Variants in CEP63 observed in about 807,000 individuals in gnomAD.
CEP63 encodes the protein centrosomal protein 63.
In CEP63, 84 loss-of-function variants were observed where a neutral mutation model predicts 89.1. That is an observed-to-expected ratio of 0.94 (90% confidence interval 0.79 to 1.13). CEP63 has a LOEUF of 1.13. Among genes scored for constraint, CEP63 ranks in the 50% most tolerant of loss-of-function variants. The probability of loss-of-function intolerance (pLI) is 0.00; values close to 1 mark genes in which losing one functional copy is unlikely to be tolerated. For synonymous variants in CEP63, 267 were observed against 272.5 expected (o/e 0.98, Z 0.20); for missense variants, 838 against 813.3 (o/e 1.03, Z -0.37).
chr3:134,551,767 G>T (rs1025353319), intron 11 of CEP63, among the ~76,000 whole-genome samples, 159 bp from the exon 12 acceptor site: 1 of 134,452 alleles, frequency 7.4e-6, no homozygotes, highest in African/African-American at 2.8e-5. Flanking sequence ...ACACACACAC[G>T]TACATATATA....
At chr3:134,568,500 A>G (rs1957879754), downstream of CEP63, among the ~76,000 whole-genome samples, 2 of 152,130 alleles carry the variant, frequency 1.3e-5, no homozygotes, top group Admixed American at 6.5e-5. Flanking sequence ...TGCTTCCCCA[A>G]GGATCCCCTT....
At chr3:134,726,587 G>A in the CEP63 span, among the ~76,000 whole-genome samples, 1 of 151,842 alleles carries the variant, frequency 6.6e-6, no homozygotes, top group South Asian at 2.1e-4. Context: ...TAACACATCA[G>A]CCCAGGAGAT....
At chr3:134,574,806 C>A in exon 12 of CEP63, 1 of 609,520 alleles carries the variant, frequency 1.6e-6, no homozygotes, top group Admixed American at 2.4e-5. Flanking sequence ...TGGGGTTTTA[C>A]CATGTTGTCC....
At chr3:134,488,165 C>T (rs1380478895) in intron 1 of CEP63, 1 of 152,234 alleles carries the variant, frequency 6.6e-6, no homozygotes, top group African/African-American at 2.4e-5. Context: ...AGGTTAGATT[C>T]TCCTAGGGGC....
chr3:134,753,759 AG>A, the CEP63 span, among the ~76,000 whole-genome samples: 1 of 152,248 alleles, frequency 6.6e-6, no homozygotes, highest in African/African-American at 2.4e-5. Flanking sequence ...AAATGAGGAA[AG>A]AAAAGTTCAG....
At chr3:134,724,666 C>T in the CEP63 span, among the ~76,000 whole-genome samples, 1 of 152,192 alleles carries the variant, frequency 6.6e-6, no homozygotes, top group East Asian at 1.9e-4. Flanking sequence ...CTAGTCAAAA[C>T]AGAAGTTCAT....
At chr3:134,536,507 A>G (rs1223785259) in intron 5 of CEP63, 2 of 154,042 alleles carry the variant, frequency 1.3e-5, no homozygotes, top group African/African-American at 4.8e-5. Flanking sequence ...ATTTGATGTT[A>G]CTATTGATCC....
chr3:134,532,505 G>A (rs1031714446), intron 4 of CEP63, among the ~76,000 whole-genome samples: 2 of 152,112 alleles, frequency 1.3e-5, no homozygotes, highest in Non-Finnish European at 2.9e-5. Context: ...CTTTATTGTG[G>A]GGCTGGGTGG....
Position 134,561,517 on chromosome 3 carries a change from A to C in CEP63, c.2094A>C (p.Gln698His). 1 of 1,613,878 alleles carries C rather than the reference A, an allele frequency of 6.2e-7. No homozygotes were observed. The highest frequency in any genetic ancestry group is 8.5e-7 in the Non-Finnish European group (1 of 1,179,866). ...LKRESEKTVR[Q>H]FTALK Reference sequence around the variant, plus strand: ...GAGAGAGTGAAAAGACAGTGAGACAATTCACAGCCTTAAAGTAGCCTCTTA... The same window carrying C: ...GAGAGAGTGAAAAGACAGTGAGACACTTCACAGCCTTAAAGTAGCCTCTTA... The change falls in exon 15 of 15, where the codon CAA becomes CAC. Residue 698 changes from glutamine (Q) to histidine (H), a missense_variant. Transcript: ENST00000675561.
downstream of CEP63, among the ~76,000 whole-genome samples, chr3:134,589,035 A>G (rs7611611): frequency 0.64 from 97,933 of 152,006 alleles, 32,115 homozygotes; most frequent in East Asian, 0.81. Context: ...AAGAGTCATA[A>G]ATAATTTTAA....
chr3:134,691,162 C>T, the CEP63 span, among the ~76,000 whole-genome samples: 1 of 152,004 alleles, frequency 6.6e-6, no homozygotes, highest in African/African-American at 2.4e-5. Context: ...TGAGACCAGC[C>T]TGGGTAACAC....
At chr3:134,742,171 G>C in the CEP63 span, among the ~76,000 whole-genome samples, 1 of 152,074 alleles carries the variant, frequency 6.6e-6, no homozygotes, top group Non-Finnish European at 1.5e-5. Context: ...GGAAGAGGTG[G>C]CCCTCTCTCT....
At chr3:134,578,741 C>T (rs985469199), downstream of CEP63, among the ~76,000 whole-genome samples, 2 of 152,062 alleles carry the variant, frequency 1.3e-5, no homozygotes, top group African/African-American at 2.4e-5. Context: ...ATATTCTTTC[C>T]CCACTTTTTG....
intron 10 of CEP63, among the ~76,000 whole-genome samples, chr3:134,585,815 G>A (rs78310752): frequency 6.6e-6 from 1 of 152,030 alleles, no homozygotes; most frequent in Admixed American, 6.6e-5. Context: ...CATTATTATT[G>A]TGTGGGAGTC....
rs149885746 is a variant in CEP63 at position 134,509,787 on chromosome 3, A to G, written c.222+2501A>G. ...AATATGTGCAGCTTTTTGTATGTCA[A>G]TCATACCTAAATAATGTCATTTTGA... On this transcript the variant is annotated intron_variant, in intron 3 of 14. Transcript: ENST00000675561. Among the ~76,000 whole-genome samples, 437 of 152,352 alleles carry G rather than the reference A, an allele frequency of 2.9e-3. 3 individuals carry two copies. Among genetic ancestry groups the G allele is most frequent in the African/African-American group, 1.0e-2 (415 of 41,568 alleles).
chr3:134,609,979 G>T, the CEP63 span, among the ~76,000 whole-genome samples: 1 of 152,156 alleles, frequency 6.6e-6, no homozygotes, highest in Non-Finnish European at 1.5e-5. Context: ...AGTCAGAGTG[G>T]GGAGTTTGTC....
chr3:134,648,101 G>A, the CEP63 span, among the ~76,000 whole-genome samples: 8 of 152,360 alleles, frequency 5.3e-5, no homozygotes, highest in East Asian at 3.9e-4. Flanking sequence ...AGTGGTAGCC[G>A]CAAGGTCGAG....
At chr3:134,713,936 C>T in the CEP63 span, among the ~76,000 whole-genome samples, 1 of 152,200 alleles carries the variant, frequency 6.6e-6, no homozygotes, top group Non-Finnish European at 1.5e-5. Context: ...TGGTGCATAA[C>T]AAGTGCTCAG....
the CEP63 span, among the ~76,000 whole-genome samples, chr3:134,740,432 G>A: frequency 6.6e-6 from 1 of 151,980 alleles, no homozygotes. Context: ...CGAGTAGCAG[G>A]GACTACAGGC....
Sources: allele counts gnomAD v4.1 joint callset (sites outside exome capture counted in the v4.1 genomes callset), GRCh38; gene constraint gnomAD v4.1.1; transcripts MANE v1.5; gene names NCBI Gene and HGNC (gene_info 2026-07-23, HGNC 2026-07-21).